SORCS3: variants seen among roughly 807,000 people sequenced by gnomAD.
The protein encoded by SORCS3 is sortilin related VPS10 domain containing receptor 3.
In SORCS3, 57 loss-of-function variants were observed where a neutral mutation model predicts 146.3. That is an observed-to-expected ratio of 0.39 (90% CI 0.31 to 0.49). The LOEUF (loss-of-function observed/expected upper bound fraction) is 0.49. Ranked by LOEUF, SORCS3 falls within the 20% of genes least tolerant of loss-of-function variation. SORCS3 has a pLI of 0.92. For synonymous variants in SORCS3, 653 were observed against 618.5 expected, an observed-to-expected ratio of 1.06 and a Z score of -0.83; for missense variants, 1,341 against 1,575.5, an observed-to-expected ratio of 0.85 and a Z score of 2.52.
chr10:104,874,480 A>G (rs889513485), intron 2 of SORCS3, among the ~76,000 whole-genome samples: 1 of 152,084 alleles, frequency 6.6e-6, no homozygotes, highest in Non-Finnish European at 1.5e-5. Context: ...AACGTGTACT[A>G]CTTACACTTT....
chr10:104,823,966 T>C (rs1458240672), intron 1 of SORCS3, among the ~76,000 whole-genome samples: 1 of 152,180 alleles, frequency 6.6e-6, no homozygotes, highest in Non-Finnish European at 1.5e-5. Context: ...CCAGCCATTG[T>C]TGGCTTTGAA....
intron 5 of SORCS3, among the ~76,000 whole-genome samples, chr10:105,073,086 C>A (rs2055568107): frequency 6.6e-6 from 1 of 152,156 alleles, no homozygotes; most frequent in Admixed American, 6.5e-5. Flanking sequence ...GTGTGAACTA[C>A]ATACTTTACC....
intron 25 of SORCS3, among the ~76,000 whole-genome samples, chr10:105,262,119 T>C (rs1794410817): frequency 6.6e-6 from 1 of 152,196 alleles, no homozygotes; most frequent in South Asian, 2.1e-4. Context: ...GGGAGTTCTA[T>C]GGTTTACATC....
chr10:105,077,753 A>G (rs970717556), intron 5 of SORCS3, among the ~76,000 whole-genome samples: 12 of 152,262 alleles, frequency 7.9e-5, no homozygotes, highest in Admixed American at 1.3e-4. Context: ...TCGTAAACCA[A>G]TCCTAATGTC....
At chr10:104,996,121 C>T (rs989566707) in intron 4 of SORCS3, among the ~76,000 whole-genome samples, 22 of 152,100 alleles carry the variant, frequency 1.4e-4, no homozygotes, top group African/African-American at 2.4e-4. Context: ...GATCTATTTG[C>T]TTATCTTGAC....
intron 1 of SORCS3, among the ~76,000 whole-genome samples, chr10:104,812,553 A>C (rs559518603): frequency 9.8e-5 from 15 of 152,380 alleles, no homozygotes; most frequent in Non-Finnish European, 1.8e-4. Context: ...AATAATAACA[A>C]TGCACAATGT....
chr10:104,820,107 C>T (rs1172855132), intron 1 of SORCS3, among the ~76,000 whole-genome samples: 3 of 152,128 alleles, frequency 2.0e-5, no homozygotes, highest in Admixed American at 2.0e-4. Flanking sequence ...GCCAAAATTG[C>T]TGCCTTAATT....
At chr10:104,787,651 A>T (rs2017453847) in intron 1 of SORCS3, among the ~76,000 whole-genome samples, 1 of 152,164 alleles carries the variant, frequency 6.6e-6, no homozygotes, top group South Asian at 2.1e-4. Context: ...CCTGTACAAC[A>T]TCATGATGTT....
chr10:104,979,206 C>G (rs890878403), intron 4 of SORCS3, among the ~76,000 whole-genome samples: 1 of 152,150 alleles, frequency 6.6e-6, no homozygotes, highest in Non-Finnish European at 1.5e-5. Context: ...ATTACAAGCT[C>G]TATCTTGTAA....
intron 3 of SORCS3, among the ~76,000 whole-genome samples, chr10:104,919,682 T>TC (rs1010444016): frequency 6.6e-6 from 1 of 151,420 alleles, no homozygotes; most frequent in East Asian, 1.9e-4. Context: ...AGAGTGAAAC[T>TC]CCGTCTGAAG....
At chr10:104,885,643 C>T (rs988225567) in intron 2 of SORCS3, among the ~76,000 whole-genome samples, 2 of 152,088 alleles carry the variant, frequency 1.3e-5, no homozygotes, top group Non-Finnish European at 2.9e-5. Context: ...TTTCGTTTTG[C>T]GTCTTTCCCA....
intron 4 of SORCS3, among the ~76,000 whole-genome samples, chr10:104,993,429 A>G (rs1011589545): frequency 7.9e-5 from 12 of 152,164 alleles, no homozygotes; most frequent in African/African-American, 2.7e-4. Context: ...TAAAATGGAG[A>G]CTTTAATTTG....
chr10:105,217,909 T>C (rs2056675123), intron 19 of SORCS3: 2 of 454,108 alleles, frequency 4.4e-6, no homozygotes, highest in South Asian at 3.1e-5. Context: ...ATCAGTGATA[T>C]TCGTGGGTCT....
At chr10:104,878,224 G>A (rs1365417739) in intron 2 of SORCS3, among the ~76,000 whole-genome samples, 1 of 152,046 alleles carries the variant, frequency 6.6e-6, no homozygotes, top group Non-Finnish European at 1.5e-5. Context: ...ATACAGATGT[G>A]GACAAGACAT....
intron 4 of SORCS3, among the ~76,000 whole-genome samples, chr10:105,022,493 G>T (rs544771240): frequency 6.6e-6 from 1 of 151,740 alleles, no homozygotes; most frequent in South Asian, 2.1e-4. Context: ...GGTAGAGACA[G>T]GTTTTTACTA....
At chr10:104,979,429 A>G (rs1384900860) in intron 4 of SORCS3, among the ~76,000 whole-genome samples, 1 of 152,224 alleles carries the variant, frequency 6.6e-6, no homozygotes, top group Admixed American at 6.5e-5. Context: ...AAGGAAACAG[A>G]TAATTCTGAG....
intron 5 of SORCS3, among the ~76,000 whole-genome samples, chr10:105,079,463 G>A (rs2055609135): frequency 6.6e-6 from 1 of 152,174 alleles, no homozygotes; most frequent in Non-Finnish European, 1.5e-5. Flanking sequence ...GGAGGAGAAA[G>A]TTTGTGATGT....
At chr10:105,242,595 TGTTTATATAC>T (rs1394189760) in intron 20 of SORCS3, among the ~76,000 whole-genome samples, 21 of 68,502 alleles carry the variant, frequency 3.1e-4, no homozygotes, top group South Asian at 5.8e-4. Flanking sequence ...TATTTATATA[TGTTTATATAC>T]ATTTATATAT....
chr10:104,696,987 C>T (rs1489248165), intron 1 of SORCS3, among the ~76,000 whole-genome samples: 6 of 150,308 alleles, frequency 4.0e-5, no homozygotes, highest in East Asian at 3.9e-4. Context: ...TATGGCGATA[C>T]GTTGTACAAT....
Sources: gnomAD v4.1 joint callset for allele counts (sites outside exome capture counted in the v4.1 genomes callset) on GRCh38, gnomAD v4.1.1 for gene constraint, MANE v1.5 for transcripts, NCBI Gene and HGNC (gene_info 2026-07-23, HGNC 2026-07-21) for gene names.